GPHN: variants seen among roughly 807,000 people sequenced by gnomAD.
GPHN encodes the protein gephyrin.
GPHN carries 17 observed loss-of-function variants against 95.5 expected under a neutral mutation model. That is an observed-to-expected ratio of 0.18 (90% CI 0.12 to 0.27). GPHN has a LOEUF of 0.27. GPHN is among the 10% of genes least tolerant of loss of function. The probability of loss-of-function intolerance (pLI) is 1.00; values close to 1 mark genes in which losing one functional copy is unlikely to be tolerated. For missense variants in GPHN, 660 were observed against 978.1 expected (o/e 0.67, Z 4.34); for synonymous variants, 320 against 322.5 (o/e 0.99, Z 0.08).
intron 11 of GPHN, among the ~76,000 whole-genome samples, chr14:67,085,172 T>C (rs1181369009): frequency 6.6e-6 from 1 of 152,218 alleles, no homozygotes; most frequent in Non-Finnish European, 1.5e-5. Flanking sequence ...GGGGAGTAAA[T>C]ATTATTGCAA....
intron 13 of GPHN, among the ~76,000 whole-genome samples, chr14:67,103,543 C>T (rs1487221043): frequency 1.2e-5 from 1 of 83,256 alleles, no homozygotes; most frequent in Non-Finnish European, 2.2e-5. Flanking sequence ...TTTTTGTGGC[C>T]TCTTCAGTCT....
chr14:67,549,878 C>T, the GPHN span, among the ~76,000 whole-genome samples: 1 of 152,226 alleles, frequency 6.6e-6, no homozygotes, highest in Non-Finnish European at 1.5e-5. Flanking sequence ...GTGGGCAGAG[C>T]CCAAGAATCT....
chr14:67,365,728 T>TTA, the GPHN span, among the ~76,000 whole-genome samples: 1 of 152,252 alleles, frequency 6.6e-6, no homozygotes, highest in Non-Finnish European at 1.5e-5. Flanking sequence ...AGGTCATTAG[T>TTA]TACCATCATG....
the GPHN span, among the ~76,000 whole-genome samples, chr14:67,295,520 GA>G: frequency 6.7e-6 from 1 of 148,352 alleles, no homozygotes; most frequent in Non-Finnish European, 1.5e-5. Flanking sequence ...AAATTAATAA[GA>G]AAAAAAGACT....
the GPHN span, among the ~76,000 whole-genome samples, chr14:67,373,043 A>C: frequency 4.6e-5 from 7 of 152,338 alleles, no homozygotes; most frequent in African/African-American, 1.4e-4. Context: ...TTTAAAAATC[A>C]ATTGAGAGAC....
At chr14:66,746,772 T>A (rs1199187761) in intron 2 of GPHN, among the ~76,000 whole-genome samples, 1 of 152,110 alleles carries the variant, frequency 6.6e-6, no homozygotes, top group African/African-American at 2.4e-5. Flanking sequence ...CAAGGCTACA[T>A]GGTGGGAAGA....
chr14:67,341,550 C>T, the GPHN span, among the ~76,000 whole-genome samples: 10 of 151,046 alleles, frequency 6.6e-5, no homozygotes, highest in East Asian at 5.9e-4. Flanking sequence ...CCGCCCCGTC[C>T]GGGAGGGAGG....
chr14:67,603,680 G>GTTGT, the GPHN span, among the ~76,000 whole-genome samples: 3 of 152,164 alleles, frequency 2.0e-5, no homozygotes, highest in Admixed American at 2.0e-4. Flanking sequence ...TGCTTTGTGG[G>GTTGT]TTGTTTGTTT....
At chr14:67,502,092 G>A in the GPHN span, among the ~76,000 whole-genome samples, 5 of 152,312 alleles carry the variant, frequency 3.3e-5, no homozygotes, top group Admixed American at 1.3e-4. Flanking sequence ...CAACACTTTG[G>A]GAGGCCAAGG....
At chr14:67,199,246 G>C in the GPHN span, 1 of 1,600,010 alleles carries the variant, frequency 6.2e-7, no homozygotes, top group African/African-American at 1.3e-5. Context: ...GTGAATTCTT[G>C]AGTGAGGATG....
chr14:66,982,814 C>T (rs1464885510), intron 9 of GPHN, among the ~76,000 whole-genome samples: 1 of 152,086 alleles, frequency 6.6e-6, no homozygotes, highest in African/African-American at 2.4e-5. Flanking sequence ...CTCTTAGCTA[C>T]TGATAGTGTT....
At chr14:66,966,308 G>A (rs555918602) in intron 9 of GPHN, among the ~76,000 whole-genome samples, 2 of 152,096 alleles carry the variant, frequency 1.3e-5, no homozygotes, top group African/African-American at 4.8e-5. Context: ...GATGTGAATA[G>A]TGCAGTTTGT....
chr14:66,911,121 A>G (rs1258455145), intron 5 of GPHN, among the ~76,000 whole-genome samples: 2 of 152,068 alleles, frequency 1.3e-5, no homozygotes, highest in Admixed American at 6.6e-5. Flanking sequence ...TAAGCACCAC[A>G]TGGATGAACC....
the GPHN span, among the ~76,000 whole-genome samples, chr14:67,622,367 G>C: frequency 6.6e-6 from 1 of 152,190 alleles, no homozygotes; most frequent in Non-Finnish European, 1.5e-5. Flanking sequence ...GAGGAATAAT[G>C]AAGTCACTGA....
chr14:67,593,801 G>A, the GPHN span: 2 of 1,613,650 alleles, frequency 1.2e-6, no homozygotes. Context: ...TATGAAGGTA[G>A]TGCTTTCTTT....
chr14:67,473,443 T>C, the GPHN span: 2 of 1,614,094 alleles, frequency 1.2e-6, no homozygotes, highest in Non-Finnish European at 1.7e-6. This position sits in a 1 kb window ranked among gnomAD's most constrained non-coding sequence, Gnocchi z 6.5. Flanking sequence ...ACATGGCCGT[T>C]GGCCAGGGCT....
chr14:67,369,159 G>A, the GPHN span, among the ~76,000 whole-genome samples: 2 of 152,128 alleles, frequency 1.3e-5, no homozygotes, highest in Non-Finnish European at 2.9e-5. Flanking sequence ...AGATATACTT[G>A]GTTGAAAATA....
At chr14:67,600,143 A>G in the GPHN span, 1 of 1,593,874 alleles carries the variant, frequency 6.3e-7, no homozygotes, top group South Asian at 1.1e-5. Context: ...GGGGAGTAGT[A>G]GCGGCGCTGC....
intron 1 of GPHN, among the ~76,000 whole-genome samples, chr14:66,549,892 C>G (rs2059750579): frequency 6.6e-6 from 1 of 152,172 alleles, no homozygotes; most frequent in Non-Finnish European, 1.5e-5. Context: ...AATGATGGCA[C>G]ATTTGTTTAC....
Sources: gnomAD v4.1 joint callset for allele counts (sites outside exome capture counted in the v4.1 genomes callset) on GRCh38, gnomAD v4.1.1 for gene constraint, Gnocchi (gnomAD v3.1) non-coding constraint, MANE v1.5 for transcripts, NCBI Gene and HGNC (gene_info 2026-07-23, HGNC 2026-07-21) for gene names.